PDE6C: variants seen among roughly 807,000 people sequenced by gnomAD.
PDE6C encodes the protein phosphodiesterase 6C, also known as cone cGMP-specific 3',5'-cyclic phosphodiesterase subunit alpha'.
Under a neutral mutation model 113.1 loss-of-function variants are expected in PDE6C, and 75 were observed. The ratio of observed to expected loss-of-function variants is 0.66; its 90% CI spans 0.55 to 0.80. The LOEUF (loss-of-function observed/expected upper bound fraction) is 0.80, where lower values mean the gene tolerates loss of function less well. Ranked by LOEUF, PDE6C falls within the 30% of genes least tolerant of loss-of-function variation. The probability of loss-of-function intolerance (pLI) is 0.00; values close to 1 mark genes in which losing one functional copy is unlikely to be tolerated. For missense variants in PDE6C, 912 were observed against 1,038.6 expected, an observed-to-expected ratio of 0.88 and a Z score of 1.67; for synonymous variants, 375 against 363.7, an observed-to-expected ratio of 1.03 and a Z score of -0.35.
At chr10:93,614,228 G>A (rs1474736444) in intron 1 of PDE6C, among the ~76,000 whole-genome samples, 1 of 152,188 alleles carries the variant, frequency 6.6e-6, no homozygotes, top group Non-Finnish European at 1.5e-5. Context: ...AGGGCAGCTG[G>A]AGAGGCAGGA....
rs765181539 is a variant in PDE6C, at chr10:93,620,959, T to C, written c.702T>C (p.Asn234=). The part of the protein sequence containing the change: ...LRLHHTSYMY[N]IESRRSQILM... ...TTCATCACACCAGCTACATGTACAA[T>C]ATTGAATCCCGAAGAAGCCAGGTAA... The change falls in exon 3 of 22, where the codon AAT becomes AAC. Residue 234 remains asparagine, a synonymous_variant. Coordinates refer to ENST00000371447, the MANE Select transcript of PDE6C (RefSeq NM_006204.4). The C allele has an allele frequency of 8.7e-6, 14 of 1,613,692 alleles. No homozygotes were observed. The highest frequency in any genetic ancestry group is 1.2e-5 in the Non-Finnish European group (14 of 1,179,724).
At chr10:93,636,724 C>A (rs2058533826) in intron 10 of PDE6C, among the ~76,000 whole-genome samples, 1 of 152,038 alleles carries the variant, frequency 6.6e-6, no homozygotes, top group Admixed American at 6.6e-5. Context: ...GTATCCATGA[C>A]AAAGAATGCA....
chr10:93,613,444 A>G (rs189187295), intron 1 of PDE6C, among the ~76,000 whole-genome samples: 86 of 152,344 alleles, frequency 5.6e-4, no homozygotes, highest in African/African-American at 1.9e-3. Flanking sequence ...AAGTATAAGT[A>G]TGTCCCATGT....
At position 93,612,761 on chromosome 10, in the gene PDE6C, C is replaced by G. The variant is rs1012765041; in HGVS notation, c.36C>G (p.Tyr12Ter). 6.2e-7 allele frequency: 1 copy of G among 1,613,966 alleles called. No individual in the cohort carries two copies. Among genetic ancestry groups the G allele is most frequent in the African/African-American group, 1.3e-5 (1 of 74,920 alleles). The change falls in exon 1 of 22, where the codon TAC becomes TAG. Residue 12 changes from tyrosine to a stop codon, truncating the protein, a stop_gained. Transcript: ENST00000371447. LOFTEE classifies it high-confidence loss of function. ...GEINQVAVEK[Y>*]LEENPQFAKE... ...TCAACCAAGTTGCCGTGGAGAAATA[C>G]CTGGAGGAGAACCCTCAGTTTGCCA... is the stretch of plus-strand genomic sequence containing the variant.
chr10:93,647,182 A>C (rs192776455), intron 15 of PDE6C, among the ~76,000 whole-genome samples: 1 of 152,118 alleles, frequency 6.6e-6, no homozygotes, highest in Admixed American at 6.5e-5. Context: ...CCAAACCAAA[A>C]ATGATTAAGG....
intron 14 of PDE6C, among the ~76,000 whole-genome samples, chr10:93,642,487 A>G (rs1421058157): frequency 1.3e-5 from 2 of 152,120 alleles, no homozygotes; most frequent in Non-Finnish European, 2.9e-5. Flanking sequence ...AATGGGTTTT[A>G]AGATGGTCTA....
intron 1 of PDE6C, 99 bp downstream of exon 1, chr10:93,613,304 A>G: frequency 2.0e-6 from 3 of 1,518,094 alleles, no homozygotes; most frequent in Non-Finnish European, 1.8e-6. Flanking sequence ...TTAGTTTGGC[A>G]ATAACCGGGG....
chr10:93,654,152 C>T (rs1409236510), intron 15 of PDE6C, among the ~76,000 whole-genome samples: 1 of 152,150 alleles, frequency 6.6e-6, no homozygotes, highest in East Asian at 1.9e-4. Flanking sequence ...TTCAGCATTC[C>T]ACAGATATTA....
chr10:93,618,748 T>C (rs2058431665), intron 1 of PDE6C, among the ~76,000 whole-genome samples: 1 of 152,226 alleles, frequency 6.6e-6, no homozygotes, highest in African/African-American at 2.4e-5. Flanking sequence ...CTGCAGGTGA[T>C]TCTGAGGCAT....
At chr10:93,643,712 T>TTC (rs964869650) in intron 14 of PDE6C, among the ~76,000 whole-genome samples, 1 of 151,800 alleles carries the variant, frequency 6.6e-6, no homozygotes, top group Non-Finnish European at 1.5e-5. Flanking sequence ...TTTTTTTTTT[T>TTC]TCACTAAATC....
chr10:93,619,039 G>T (rs1354023476), intron 1 of PDE6C, among the ~76,000 whole-genome samples: 3 of 152,198 alleles, frequency 2.0e-5, no homozygotes, highest in Non-Finnish European at 2.9e-5. Context: ...AATTGAAGAA[G>T]TCCTAGGTTC....
At chr10:93,630,782 A>C (rs1229892846) in intron 8 of PDE6C, among the ~76,000 whole-genome samples, 1 of 152,108 alleles carries the variant, frequency 6.6e-6, no homozygotes, top group African/African-American at 2.4e-5. Context: ...AGCTGTACAC[A>C]CTTGCTTCGT....
chr10:93,638,734 G>C (rs538308272), intron 11 of PDE6C, among the ~76,000 whole-genome samples: 1 of 152,118 alleles, frequency 6.6e-6, no homozygotes, highest in Non-Finnish European at 1.5e-5. Context: ...TCCCAGCTAC[G>C]TAATTATTTG....
intron 21 of PDE6C, among the ~76,000 whole-genome samples, chr10:93,663,432 G>A (rs1317711771): frequency 1.3e-5 from 2 of 152,188 alleles, no homozygotes; most frequent in African/African-American, 2.4e-5. Flanking sequence ...TCTTCATCTT[G>A]CTAGAAGGTG....
intron 8 of PDE6C, among the ~76,000 whole-genome samples, chr10:93,630,264 C>A (rs1007360933): frequency 6.6e-6 from 1 of 152,160 alleles, no homozygotes; most frequent in Middle Eastern, 3.4e-3. Flanking sequence ...CTCTACCTGA[C>A]CCACTTCTCC....
intron 15 of PDE6C, among the ~76,000 whole-genome samples, chr10:93,652,629 CA>C (rs1309059144): frequency 6.6e-6 from 1 of 152,038 alleles, no homozygotes; most frequent in African/African-American, 2.4e-5. Context: ...AACTTTAATA[CA>C]GTTGTTTTAT....
chr10:93,645,919 T>G, intron 14 of PDE6C, 41 bp from the exon 15 acceptor site: 1 of 1,228,286 alleles, frequency 8.1e-7, no homozygotes, highest in South Asian at 1.2e-5. Flanking sequence ...TATGTGTAAT[T>G]TTTAAACAGC....
chr10:93,617,215 C>T (rs1048629445), intron 1 of PDE6C, among the ~76,000 whole-genome samples: 2 of 152,178 alleles, frequency 1.3e-5, no homozygotes, highest in Admixed American at 6.5e-5. Context: ...TCAAGGGACA[C>T]ACGCAGGATT....
intron 15 of PDE6C, 35 bp from the exon 16 acceptor site, chr10:93,655,725 T>C (rs2058634672): frequency 1.2e-5 from 13 of 1,052,428 alleles, no homozygotes; most frequent in Non-Finnish European, 1.8e-5. Context: ...AGGCAAATTA[T>C]TGATAGCATT....
Sources: allele counts gnomAD v4.1 joint callset (sites outside exome capture counted in the v4.1 genomes callset), GRCh38; gene constraint gnomAD v4.1.1; transcripts MANE v1.5; gene names NCBI Gene and HGNC (gene_info 2026-07-23, HGNC 2026-07-21).